Variants in GIPC2 observed in about 807,000 individuals in gnomAD.
GIPC2 encodes GIPC PDZ domain containing family member 2.
A neutral mutation model predicts 30.6 loss-of-function variants in GIPC2; 30 were observed. That is an observed-to-expected ratio of 0.98 (90% CI 0.73 to 1.33). GIPC2 has a LOEUF of 1.33. Ranked by LOEUF, GIPC2 falls within the 40% of genes most tolerant of loss-of-function variation. The pLI, the probability that GIPC2 is intolerant of heterozygous loss-of-function variation, is 0.00. For missense variants in GIPC2, 414 were observed against 390.3 expected, an observed-to-expected ratio of 1.06 and a Z score of -0.51; for synonymous variants, 167 against 150.0, an observed-to-expected ratio of 1.11 and a Z score of -0.83.
intron 1 of GIPC2, among the ~76,000 whole-genome samples, chr1:78,074,840 A>G (rs1661686851): frequency 6.6e-6 from 1 of 152,234 alleles, no homozygotes; most frequent in African/African-American, 2.4e-5. Context: ...TTAGGATGCC[A>G]TAATACCTCA....
chr1:78,047,523 ATT>A (rs397947260), intron 1 of GIPC2, among the ~76,000 whole-genome samples: 1 of 147,210 alleles, frequency 6.8e-6, no homozygotes, highest in Non-Finnish European at 1.5e-5. Context: ...TTTATATAGG[ATT>A]TTTTTTTTTT....
chr1:78,091,838 C>G (rs1407240615), intron 2 of GIPC2: 1 of 777,616 alleles, frequency 1.3e-6, no homozygotes, highest in South Asian at 1.3e-5. Context: ...AAGGATGTCT[C>G]GGAAGGAGAA....
intron 1 of GIPC2, among the ~76,000 whole-genome samples, chr1:78,051,187 TA>T (rs200722957): frequency 6.1e-4 from 86 of 139,952 alleles, no homozygotes; most frequent in South Asian, 9.0e-4. Context: ...TTGTAAAATG[TA>T]AAAAAAAAAA....
At chr1:78,103,679 A>G (rs1557543720) in intron 3 of GIPC2, among the ~76,000 whole-genome samples, 4 of 152,216 alleles carry the variant, frequency 2.6e-5, no homozygotes, top group Non-Finnish European at 5.9e-5. Flanking sequence ...TCAGAACATA[A>G]TGCAGACCAT....
intron 3 of GIPC2, among the ~76,000 whole-genome samples, chr1:78,097,500 C>G (rs1466443577): frequency 6.6e-6 from 1 of 152,198 alleles, no homozygotes; most frequent in Admixed American, 6.5e-5. Context: ...TCCCAAAACA[C>G]AAGAGGAAGG....
At chr1:78,108,024 A>G (rs1252242713) in intron 3 of GIPC2, among the ~76,000 whole-genome samples, 2 of 152,042 alleles carry the variant, frequency 1.3e-5, no homozygotes, top group Non-Finnish European at 2.9e-5. Flanking sequence ...CTGTTTTGGT[A>G]ACTATTTTTC....
At chr1:78,121,332 CA>C (rs1251246091) in intron 4 of GIPC2, among the ~76,000 whole-genome samples, 1 of 152,078 alleles carries the variant, frequency 6.6e-6, no homozygotes, top group Non-Finnish European at 1.5e-5. Flanking sequence ...GGGGCAGGGG[CA>C]AGGCTCTGGG....
At chr1:78,102,509 C>CT (rs1318945067) in intron 3 of GIPC2, among the ~76,000 whole-genome samples, 2 of 152,116 alleles carry the variant, frequency 1.3e-5, no homozygotes, top group African/African-American at 4.8e-5. Flanking sequence ...TTCATATATA[C>CT]TGAATTCTAC....
At chr1:78,132,242 A>C (rs1662912679) in intron 5 of GIPC2, among the ~76,000 whole-genome samples, 1 of 152,232 alleles carries the variant, frequency 6.6e-6, no homozygotes, top group Non-Finnish European at 1.5e-5. Context: ...GTCACATCAT[A>C]AATAATAATG....
At chr1:78,133,438 G>A (rs772255722) in intron 5 of GIPC2, among the ~76,000 whole-genome samples, 1 of 152,148 alleles carries the variant, frequency 6.6e-6, no homozygotes, top group South Asian at 2.1e-4. Context: ...TGATTTGTTT[G>A]TGCATTTAAG....
At chr1:78,058,910 C>T (rs1056079987) in intron 1 of GIPC2, among the ~76,000 whole-genome samples, 2 of 152,154 alleles carry the variant, frequency 1.3e-5, no homozygotes, top group African/African-American at 4.8e-5. Flanking sequence ...TAACTCATAA[C>T]GTTCTGTTAT....
At chr1:78,067,783 C>T (rs1471695681) in intron 1 of GIPC2, among the ~76,000 whole-genome samples, 1 of 152,124 alleles carries the variant, frequency 6.6e-6, no homozygotes, top group Non-Finnish European at 1.5e-5. Flanking sequence ...CTATTCTAGA[C>T]CAGGTACAGT....
intron 1 of GIPC2, among the ~76,000 whole-genome samples, chr1:78,067,800 T>C (rs1661547691): frequency 6.6e-6 from 1 of 152,134 alleles, no homozygotes. Flanking sequence ...CAGTTTTCAT[T>C]CTCCCACCCT....
In GIPC2 at chr1:78,110,334, G is replaced by A. The variant is rs189525575; in HGVS notation, c.608-9059G>A. Reference sequence around the variant, plus strand: ...AATTATTATTGCTTTGTAGAAATGTGTCATTCTCCAAGAGAAACCAAAAAT... The same window carrying A: ...AATTATTATTGCTTTGTAGAAATGTATCATTCTCCAAGAGAAACCAAAAAT... On this transcript the variant is annotated intron_variant, in intron 3 of 5. Coordinates refer to ENST00000370759, the MANE Select transcript of GIPC2 (RefSeq NM_017655.6). Among the ~76,000 whole-genome samples, 395 of 152,316 alleles carry A rather than the reference G, an allele frequency of 2.6e-3. 8 individuals carry two copies. Among genetic ancestry groups the A allele is most frequent in the South Asian group, 1.7e-3 (8 of 4,828 alleles).
At chr1:78,093,660 C>T (rs1662083802) in intron 2 of GIPC2, among the ~76,000 whole-genome samples, 1 of 152,154 alleles carries the variant, frequency 6.6e-6, no homozygotes, top group African/African-American at 2.4e-5. Flanking sequence ...AGCTCTTGGA[C>T]ACAATGATCA....
At chr1:78,099,591 AC>A (rs553684213) in intron 3 of GIPC2, among the ~76,000 whole-genome samples, 1 of 151,860 alleles carries the variant, frequency 6.6e-6, no homozygotes, top group Non-Finnish European at 1.5e-5. Flanking sequence ...GGCACGTGCC[AC>A]CGTGCTCGGC....
At position 78,119,490 on chromosome 1, in the gene GIPC2, G is replaced by T. The variant is rs772159949; in HGVS notation, c.705G>T (p.Val235=). 1 of 1,591,972 alleles carries T rather than the reference G, an allele frequency of 6.3e-7. No homozygotes were observed. The highest frequency in any genetic ancestry group is 1.1e-5 in the South Asian group (1 of 90,458). ...TGAGATCAAAAGGTCCTGCCACCGT[G>T]GAAGAAATGGTATGTTATGTTCATT... ...LRLRSKGPAT[V]EEMPSETKAK... is the part of the protein sequence containing the mutation. Residue 235 remains valine (V), a synonymous_variant, in exon 4 of 6, where the codon GTG becomes GTT. Coordinates refer to ENST00000370759, the MANE Select transcript of GIPC2 (RefSeq NM_017655.6).
At chr1:78,119,249 G>T in intron 3 of GIPC2, 144 bp from the exon 4 acceptor site, 2 of 535,914 alleles carry the variant, frequency 3.7e-6, no homozygotes, top group South Asian at 3.0e-5. Flanking sequence ...TTTGCTTCGG[G>T]AAATTCTATA....
At chr1:78,121,866 G>A (rs1192096435) in intron 4 of GIPC2, among the ~76,000 whole-genome samples, 2 of 152,170 alleles carry the variant, frequency 1.3e-5, no homozygotes, top group African/African-American at 4.8e-5. Flanking sequence ...TCAGAGAAGG[G>A]AAGAACAGAG....
Sources: gnomAD v4.1 joint callset for allele counts (sites outside exome capture counted in the v4.1 genomes callset) on GRCh38, gnomAD v4.1.1 for gene constraint, MANE v1.5 for transcripts, NCBI Gene and HGNC (gene_info 2026-07-23, HGNC 2026-07-21) for gene names.